The following SERPINF2 variants were observed in gnomAD, a reference collection of about 807,000 sequenced individuals.
SERPINF2 encodes serpin family F member 2.
In SERPINF2, 15 loss-of-function variants were observed where a neutral mutation model predicts 45.0. The observed-to-expected ratio is 0.33, with a 90% CI of 0.22 to 0.51. The LOEUF (loss-of-function observed/expected upper bound fraction) is 0.51, where lower values mean the gene tolerates loss of function less well. Among genes scored for constraint, SERPINF2 ranks in the 20% least tolerant of loss-of-function variants. The pLI is 0.97. For missense variants in SERPINF2, 518 were observed against 637.4 expected, an observed-to-expected ratio of 0.81 and a Z score of 2.02; for synonymous variants, 283 against 277.9, an observed-to-expected ratio of 1.02 and a Z score of -0.18.
Position 1,745,979 on chromosome 17 carries a change from C to G in SERPINF2, c.367+70C>G. Reference sequence around the variant, plus strand: ...GTAGGAACTCAGTACTCCAATGGTTCTCCGCGGGCGGTTCCTCCACCAGGG... The same window carrying G: ...GTAGGAACTCAGTACTCCAATGGTTGTCCGCGGGCGGTTCCTCCACCAGGG... On this transcript the variant is annotated intron_variant, in intron 5 of 9. Coordinates refer to ENST00000453066, the MANE Select transcript of SERPINF2 (RefSeq NM_000934.4). The surrounding 1 kb of genome is among the most constrained non-coding windows in gnomAD (Gnocchi z 6.2). 3 of 1,530,662 alleles carry G rather than the reference C, an allele frequency of 2.0e-6. No homozygotes were observed. The highest frequency in any genetic ancestry group is 2.7e-6 in the Non-Finnish European group (3 of 1,104,994). The allele number at this position is 1,530,662 out of a possible 1,614,324, so 94.8% of individuals were successfully genotyped here. A position where few individuals can be genotyped will look rare whatever the true frequency, so the allele number is the denominator to read the frequency against.
chr17:1,752,126 A>C (rs547973092), intron 8 of SERPINF2, among the ~76,000 whole-genome samples: 1 of 148,988 alleles, frequency 6.7e-6, no homozygotes, highest in African/African-American at 2.4e-5. Flanking sequence ...ATCTTGGCTC[A>C]TGGCAACCTC....
At chr17:1,749,977 CTT>C (rs57705772) in intron 8 of SERPINF2, among the ~76,000 whole-genome samples, 76 of 144,608 alleles carry the variant, frequency 5.3e-4, no homozygotes, top group African/African-American at 1.2e-3. Context: ...GGATAAACTT[CTT>C]TTTTTTTTTT....
intron 8 of SERPINF2, among the ~76,000 whole-genome samples, chr17:1,749,940 C>T (rs1031027748): frequency 2.0e-5 from 3 of 151,918 alleles, no homozygotes; most frequent in Admixed American, 6.6e-5. Flanking sequence ...TTGGATTTCT[C>T]AGCATCTTGC....
At chr17:1,747,244 G>A (rs570933739) in intron 6 of SERPINF2, 65 bp from the exon 7 acceptor site, 25 of 1,610,048 alleles carry the variant, frequency 1.6e-5, no homozygotes, top group Non-Finnish European at 2.0e-5. Flanking sequence ...CTCTGGTAGC[G>A]AGTAGGGGCG....
chr17:1,747,535 T>C (rs746955915), intron 7 of SERPINF2, 23 bp downstream of exon 7: 1 of 1,609,842 alleles, frequency 6.2e-7, no homozygotes, highest in Non-Finnish European at 8.5e-7. Context: ...TCCTCTCAGA[T>C]CCCCCACCCT....
intron 1 of SERPINF2, 52 bp from the exon 2 acceptor site, chr17:1,744,940 T>C: frequency 6.2e-7 from 1 of 1,611,726 alleles, no homozygotes; most frequent in Non-Finnish European, 8.5e-7. Context: ...TAGGATTCCC[T>C]GGCGGGCGTG....
At position 1,751,701 on chromosome 17, in the gene SERPINF2, C is replaced by A. The variant is rs1041371222; in HGVS notation, c.859-885C>A. ...TCCACGAGGCGGAGGTTGCGGTGAG[C>A]CGAGATTGCGCCACTGCACTCCAGC... On this transcript the variant is annotated intron_variant, in intron 8 of 9. Transcript: ENST00000453066. Among the ~76,000 whole-genome samples, 4 of 138,632 alleles carry A rather than the reference C, an allele frequency of 2.9e-5. No individual in the cohort carries two copies. In the South Asian group the frequency reaches 9.4e-4, roughly 33 times the overall value. 90.9% of individuals were successfully genotyped at this position (138,632 alleles called of 152,430 possible). A position where few individuals can be genotyped will look rare whatever the true frequency, so the allele number is the denominator to read the frequency against.
intron 9 of SERPINF2, 53 bp downstream of exon 9, chr17:1,752,843 A>G (rs1906512484): frequency 1.3e-6 from 2 of 1,502,174 alleles, no homozygotes. Context: ...CAGGGCGGGT[A>G]AGGAGGAAGC....
chr17:1,752,588 G>A lies in SERPINF2; in HGVS notation c.861G>A (p.Val287=), dbSNP rs1782972311. Residue 287 remains valine, a splice_region_variant and synonymous_variant, in exon 9 of 10, where the codon GTG becomes GTA. Coordinates refer to ENST00000453066, the MANE Select transcript of SERPINF2 (RefSeq NM_000934.4). Reference sequence around the variant, plus strand: ...CTCTTCCCTTCCCTTTTCTGTAGGTGGCTCATTTCCCCTTTAAGAACAACA... The same window carrying A: ...CTCTTCCCTTCCCTTTTCTGTAGGTAGCTCATTTCCCCTTTAAGAACAACA... ...WFLLEQPEIQ[V]AHFPFKNNMS... The A allele has an allele frequency of 6.2e-7, 1 of 1,613,836 alleles. No individual in the cohort carries two copies. Among genetic ancestry groups the A allele is most frequent in the Admixed American group, 1.7e-5 (1 of 59,992 alleles).
At chr17:1,746,370 T>C (rs1905827137) in intron 5 of SERPINF2, among the ~76,000 whole-genome samples, 1 of 151,728 alleles carries the variant, frequency 6.6e-6, no homozygotes, top group South Asian at 2.1e-4. Flanking sequence ...TCTGTCTATG[T>C]GAATCAGATC....
chr17:1,747,621 G>A, intron 7 of SERPINF2, 109 bp downstream of exon 7: 1 of 1,259,720 alleles, frequency 7.9e-7, no homozygotes. Flanking sequence ...GTGGAGCGCA[G>A]TGGCGCGATC....
rs779801686 is a variant in SERPINF2 at position 1,754,471 on chromosome 17, C to G, written c.1413C>G (p.Gly471=). 2.5e-6 allele frequency: 4 copies of G among 1,607,910 alleles called. No individual in the cohort carries two copies. Among genetic ancestry groups the G allele is most frequent in the Admixed American group, 1.7e-5 (1 of 59,268 alleles). The change falls in exon 10 of 10, where the codon GGC becomes GGG. Residue 471 remains glycine (G), a synonymous_variant. Transcript: ENST00000453066. ...KGFPRGDKLF[G]PDLKLVPPME... is the part of the protein sequence containing the mutation. ...TCCCCCGCGGAGACAAGCTTTTCGG[C>G]CCTGACTTAAAACTTGTGCCCCCCA...
In SERPINF2 at chr17:1,748,623, G is replaced by A. The variant is rs760088657; in HGVS notation, c.741G>A (p.Pro247=). ...FQGFWRNKFD[P]SLTQRDSFHL... ...GTTTCTGGAGGAACAAGTTTGACCC[G>A]AGCCTTACCCAGAGAGACTCCTTCC... The change falls in exon 8 of 10, where the codon CCG becomes CCA. Residue 247 remains proline (P), a synonymous_variant. Transcript: ENST00000453066. 8.1e-6 allele frequency: 13 copies of A among 1,613,858 alleles called. No homozygotes were observed. The highest frequency in any genetic ancestry group is 3.3e-5 in the South Asian group (3 of 91,096).
chr17:1,743,715 C>CAAAA (rs61163841), intron 1 of SERPINF2, among the ~76,000 whole-genome samples: 22 of 33,586 alleles, frequency 6.6e-4, no homozygotes, highest in East Asian at 1.0e-3. Flanking sequence ...AACTCCATCT[C>CAAAA]AAAAAAAAAA....
At chr17:1,746,949 GGGACT>G in intron 5 of SERPINF2, 65 bp from the exon 6 acceptor site, 1 of 1,566,794 alleles carries the variant, frequency 6.4e-7, no homozygotes, top group Admixed American at 1.8e-5. Flanking sequence ...GTATCCAGGA[GGGACT>G]GGAGTGGGCA....
chr17:1,748,136 T>C (rs1409605726), intron 7 of SERPINF2, among the ~76,000 whole-genome samples: 2 of 151,688 alleles, frequency 1.3e-5, no homozygotes, highest in Non-Finnish European at 2.9e-5. Context: ...CCGTCTCTGC[T>C]AAAAATACAA....
rs751965615 is a variant in SERPINF2 at position 1,754,519 on chromosome 17, T to G, written c.1461T>G (p.Phe487Leu). 1.9e-6 allele frequency: 3 copies of G among 1,609,984 alleles called. No individual in the cohort carries two copies. The South Asian group carries it at 3.3e-5, about 18-fold the overall frequency. Residue 487 changes from phenylalanine (F) to leucine (L), a missense_variant, in exon 10 of 10, where the codon TTT (phenylalanine) becomes TTG (leucine). By Grantham distance (22) the Phe-to-Leu change is conservative. Around this residue, in one of 2 missense-constraint regions of SERPINF2, gnomAD observed 83 missense variants for 60.0 expected, o/e 1.38. Coordinates refer to ENST00000453066, the MANE Select transcript of SERPINF2 (RefSeq NM_000934.4). Reference protein sequence around the residue: ...VPPMEEDYPQFGSPK With the variant: ...VPPMEEDYPQLGSPK ...CCATGGAGGAGGATTACCCCCAGTT[T>G]GGCAGCCCCAAGTGAGGGGCCGTGG...
At chr17:1,747,195 C>G (rs1405309718) in intron 6 of SERPINF2, 33 bp downstream of exon 6, 1 of 1,611,436 alleles carries the variant, frequency 6.2e-7, no homozygotes, top group Non-Finnish European at 8.5e-7. Flanking sequence ...TCCCTCAGTC[C>G]TGCCCTGGGT....
chr17:1,745,863 C>A lies in SERPINF2; in HGVS notation c.321C>A (p.Ile107=). Residue 107 remains isoleucine, a synonymous_variant, in exon 5 of 10, where the codon ATC becomes ATA. Coordinates refer to ENST00000453066, the MANE Select transcript of SERPINF2 (RefSeq NM_000934.4). The surrounding 1 kb of genome is among the most constrained non-coding windows in gnomAD (Gnocchi z 6.2). Reference sequence around the variant, plus strand: ...AAACGTCCACCTGCCCCAACCTCATCCTGTCACCCCTGAGTGTGGCCCTGG... The same window carrying A: ...AAACGTCCACCTGCCCCAACCTCATACTGTCACCCCTGAGTGTGGCCCTGG... ...VAQTSTCPNL[I]LSPLSVALAL... 6.2e-7 allele frequency: 1 copy of A among 1,614,092 alleles called. No individual in the cohort carries two copies. The highest frequency in any genetic ancestry group is 8.5e-7 in the Non-Finnish European group (1 of 1,180,024).
Sources: gnomAD v4.1 joint callset for allele counts (sites outside exome capture counted in the v4.1 genomes callset) on GRCh38, gnomAD v4.1.1 for gene constraint, gnomAD v4.1.1 regional missense constraint, Gnocchi (gnomAD v3.1) non-coding constraint, MANE v1.5 for transcripts, NCBI Gene and HGNC (gene_info 2026-07-23, HGNC 2026-07-21) for gene names.